Variants in GAREM1 observed in about 807,000 individuals in gnomAD.
The protein encoded by GAREM1 is GRB2-associated and regulator of MAPK protein 1.
GAREM1 carries 26 observed loss-of-function variants against 71.3 expected under a neutral mutation model. The ratio of observed to expected loss-of-function variants is 0.36; its 90% CI spans 0.27 to 0.51. GAREM1 has a LOEUF of 0.51. Ranked by LOEUF, GAREM1 falls within the 20% of genes least tolerant of loss-of-function variation. GAREM1 has a pLI of 0.95. For missense variants in GAREM1, 1,026 were observed against 1,103.1 expected, an observed-to-expected ratio of 0.93 and a Z score of 0.99; for synonymous variants, 440 against 433.2, an observed-to-expected ratio of 1.02 and a Z score of -0.20.
chr18:32,421,798 T>C (rs111562946), intron 1 of GAREM1, among the ~76,000 whole-genome samples: 2,430 of 152,184 alleles, frequency 0.016, 75 homozygotes, highest in African/African-American at 0.056. Context: ...TAACAGTCTC[T>C]TTAATGCCTA....
Position 32,310,235 on chromosome 18 carries a change from A to G in GAREM1, c.351T>C (p.Pro117=), listed in dbSNP as rs1294803927. The change falls in exon 3 of 6, where the codon CCT becomes CCC. Residue 117 remains proline, a synonymous_variant. Transcript: ENST00000269209. ...TATCCTCCATGACGTACACGCGTTCAGGAAATGCCTTAGCCACCTCCTCCA... is the reference window on the plus strand; with the variant it reads ...TATCCTCCATGACGTACACGCGTTCGGGAAATGCCTTAGCCACCTCCTCCA... The part of the protein sequence containing the change: ...NSVEEVAKAF[P]ERVYVMEDIT... 6.8e-6 allele frequency: 11 copies of G among 1,614,052 alleles called. No homozygotes were observed. Among genetic ancestry groups the G allele is most frequent in the Non-Finnish European group, 9.3e-6 (11 of 1,180,004 alleles).
At chr18:32,356,404 C>CATTTT (rs1455983627) in intron 2 of GAREM1, among the ~76,000 whole-genome samples, 1 of 152,096 alleles carries the variant, frequency 6.6e-6, no homozygotes, top group Non-Finnish European at 1.5e-5. Flanking sequence ...CAAAGACAAA[C>CATTTT]AAATATCATT....
chr18:32,372,911 C>T (rs1331288769), intron 2 of GAREM1, among the ~76,000 whole-genome samples: 1 of 151,776 alleles, frequency 6.6e-6, no homozygotes, highest in Non-Finnish European at 1.5e-5. Flanking sequence ...AGGAGCAGAG[C>T]AGCTCCCAGG....
intron 2 of GAREM1, among the ~76,000 whole-genome samples, chr18:32,340,499 A>G (rs1361073831): frequency 1.3e-5 from 2 of 152,212 alleles, no homozygotes; most frequent in African/African-American, 4.8e-5. Context: ...GAAAAGCAGC[A>G]CATGATGAAG....
At chr18:32,329,786 G>C (rs2047513878) in intron 2 of GAREM1, among the ~76,000 whole-genome samples, 1 of 151,578 alleles carries the variant, frequency 6.6e-6, no homozygotes, top group Non-Finnish European at 1.5e-5. Context: ...TTGGACTATG[G>C]TGGGAGTGGG....
chr18:32,384,544 A>G (rs1424792625), intron 2 of GAREM1, among the ~76,000 whole-genome samples: 1 of 152,214 alleles, frequency 6.6e-6, no homozygotes, highest in Non-Finnish European at 1.5e-5. Flanking sequence ...AGATTTAACA[A>G]CTTAGTTTGC....
At position 32,389,108 on chromosome 18, in the gene GAREM1, A is replaced by T. The variant is rs145046628; in HGVS notation, c.262+3787T>A. 2.6e-5 allele frequency among the ~76,000 whole-genome samples: 4 copies of T among 152,266 alleles called. No individual in the cohort carries two copies. In the East Asian group the frequency reaches 7.7e-4, roughly 29 times the overall value. ...GATAAAAAACAAATGTGGCAAAATG[A>T]TACTAAAAATGGGTAAAACCGGGGA... On this transcript the variant is annotated intron_variant, in intron 2 of 5. Coordinates refer to ENST00000269209, the MANE Select transcript of GAREM1 (RefSeq NM_001242409.2).
chr18:32,462,990 A>C (rs2048966212), intron 1 of GAREM1, among the ~76,000 whole-genome samples: 1 of 152,132 alleles, frequency 6.6e-6, no homozygotes, highest in African/African-American at 2.4e-5. Flanking sequence ...TAAAAGGAAG[A>C]ATAAGTGTCC....
Position 32,287,683 on chromosome 18 carries a change from T to C in GAREM1, c.914A>G (p.Lys305Arg), listed in dbSNP as rs1422354267. 3.1e-6 allele frequency: 5 copies of C among 1,614,134 alleles called. No individual in the cohort carries two copies. The highest frequency in any genetic ancestry group is 1.1e-5 in the South Asian group (1 of 91,082). Residue 305 changes from lysine (K) to arginine (R), a missense_variant, in exon 4 of 6, where the codon AAG (lysine) becomes AGG (arginine). Transcript: ENST00000269209. The surrounding 1 kb of genome is among the most constrained non-coding windows in gnomAD (Gnocchi z 5.9). ...MHFPLHLTVPKFSLPEHLVKG... is the reference protein window; with the variant it reads ...MHFPLHLTVPRFSLPEHLVKG... The stretch of plus-strand genomic sequence containing the variant: ...CACCAGGTGTTCTGGGAGGCTGAAC[T>C]TGGGGACAGTCAAGTGCAAAGGAAA...
At chr18:32,371,657 A>T (rs780357722) in intron 2 of GAREM1, among the ~76,000 whole-genome samples, 5 of 152,034 alleles carry the variant, frequency 3.3e-5, no homozygotes, top group Non-Finnish European at 5.9e-5. Context: ...GTGGAGCTGG[A>T]CACTCCTACA....
chr18:32,421,233 G>T (rs1316465587), intron 1 of GAREM1, among the ~76,000 whole-genome samples: 1 of 152,186 alleles, frequency 6.6e-6, no homozygotes, highest in African/African-American at 2.4e-5. Flanking sequence ...TGGATTAAAT[G>T]TGTGTGTAAA....
At chr18:32,457,836 C>T (rs185871694) in intron 1 of GAREM1, among the ~76,000 whole-genome samples, 5 of 152,196 alleles carry the variant, frequency 3.3e-5, no homozygotes. Context: ...TATACATGTG[C>T]CCTGTTGGTG....
intron 1 of GAREM1, among the ~76,000 whole-genome samples, chr18:32,414,956 C>T (rs1418282293): frequency 6.6e-6 from 1 of 151,656 alleles, no homozygotes; most frequent in African/African-American, 2.4e-5. Context: ...ACTGACAAAC[C>T]TTTAGCAGAC....
At chr18:32,403,608 C>T (rs758087255) in intron 1 of GAREM1, among the ~76,000 whole-genome samples, 1 of 152,114 alleles carries the variant, frequency 6.6e-6, no homozygotes, top group Non-Finnish European at 1.5e-5. Context: ...TAGGTTCTTG[C>T]TCTGTCACCC....
At chr18:32,328,884 T>C (rs530468073) in intron 2 of GAREM1, among the ~76,000 whole-genome samples, 36 of 152,256 alleles carry the variant, frequency 2.4e-4, no homozygotes, top group Admixed American at 9.8e-4. Context: ...TAGAAGATAT[T>C]TGCAAAGCCT....
At chr18:32,278,898 T>A (rs1397037675) in intron 4 of GAREM1, among the ~76,000 whole-genome samples, 1 of 152,206 alleles carries the variant, frequency 6.6e-6, no homozygotes, top group African/African-American at 2.4e-5. Context: ...TATACATTGA[T>A]GATAAGGACC....
chr18:32,366,866 A>G (rs1291917357), intron 2 of GAREM1, among the ~76,000 whole-genome samples: 1 of 152,242 alleles, frequency 6.6e-6, no homozygotes, highest in Non-Finnish European at 1.5e-5. Context: ...GTCCTCAGTA[A>G]TACAGCTTTT....
intron 1 of GAREM1, among the ~76,000 whole-genome samples, chr18:32,404,043 T>C (rs1305338808): frequency 1.3e-5 from 2 of 152,196 alleles, no homozygotes; most frequent in Non-Finnish European, 2.9e-5. Flanking sequence ...ATTTAGAATA[T>C]TTCTCCCTGG....
At chr18:32,408,639 C>G (rs1308093307) in intron 1 of GAREM1, among the ~76,000 whole-genome samples, 7 of 152,234 alleles carry the variant, frequency 4.6e-5, no homozygotes, top group Non-Finnish European at 1.5e-5. Context: ...ATTGTTAAGA[C>G]TAAATACCCA....
Sources: allele counts gnomAD v4.1 joint callset (sites outside exome capture counted in the v4.1 genomes callset), GRCh38; gene constraint gnomAD v4.1.1; non-coding constraint Gnocchi (gnomAD v3.1); transcripts MANE v1.5; gene names NCBI Gene and HGNC (gene_info 2026-07-23, HGNC 2026-07-21).